Variants in PPP1R12A observed in about 807,000 individuals in gnomAD.
PPP1R12A encodes the protein protein phosphatase 1 regulatory subunit 12A, also known as myosin binding subunit.
Under a neutral mutation model 139.6 loss-of-function variants are expected in PPP1R12A, and 19 were observed. The ratio of observed to expected loss-of-function variants is 0.14; its 90% CI spans 0.09 to 0.20. The LOEUF (loss-of-function observed/expected upper bound fraction) is 0.20, where lower values mean the gene tolerates loss of function less well. PPP1R12A is among the 10% of genes least tolerant of loss of function. The pLI is 1.00. For synonymous variants in PPP1R12A, 427 were observed against 420.6 expected, an observed-to-expected ratio of 1.02 and a Z score of -0.19; for missense variants, 925 against 1,211.5, an observed-to-expected ratio of 0.76 and a Z score of 3.51.
intron 1 of PPP1R12A, among the ~76,000 whole-genome samples, chr12:79,903,512 G>A (rs1020192307): frequency 1.3e-5 from 2 of 151,688 alleles, no homozygotes; most frequent in Admixed American, 6.6e-5. Context: ...CACATGAAGC[G>A]TAAATTAATT....
At chr12:79,866,895 A>G (rs1206583052) in intron 2 of PPP1R12A, among the ~76,000 whole-genome samples, 4 of 152,160 alleles carry the variant, frequency 2.6e-5, no homozygotes, top group Middle Eastern at 3.2e-3. Flanking sequence ...TTCAACCATT[A>G]TGGAAGACAG....
At chr12:79,935,304 C>T, upstream of PPP1R12A, 4 of 1,051,672 alleles carry the variant, frequency 3.8e-6, no homozygotes, top group African/African-American at 1.7e-5. Flanking sequence ...GGTGGCTGGG[C>T]CACCAGAGGG....
chr12:79,856,353 T>C (rs1358909921), intron 2 of PPP1R12A, among the ~76,000 whole-genome samples: 1 of 152,250 alleles, frequency 6.6e-6, no homozygotes, highest in East Asian at 1.9e-4. Flanking sequence ...AACCAGTATT[T>C]GCTTGGTTAA....
chr12:79,883,741 G>C (rs1217166798), intron 1 of PPP1R12A, among the ~76,000 whole-genome samples: 1 of 151,778 alleles, frequency 6.6e-6, no homozygotes, highest in African/African-American at 2.4e-5. Flanking sequence ...AAAGAGTGTA[G>C]AGAAGTGATT....
intron 8 of PPP1R12A, 27 bp downstream of exon 8, chr12:79,820,747 G>A (rs199879430): frequency 3.9e-5 from 63 of 1,599,680 alleles, no homozygotes; most frequent in Non-Finnish European, 4.9e-5. Context: ...AAAATTCAAC[G>A]AAAATGCATT....
At chr12:79,906,237 TAAAA>T (rs1886098205) in intron 1 of PPP1R12A, among the ~76,000 whole-genome samples, 1 of 151,906 alleles carries the variant, frequency 6.6e-6, no homozygotes, top group Non-Finnish European at 1.5e-5. Context: ...GATAAAAACT[TAAAA>T]AATCAGCTAT....
chr12:79,859,682 A>C (rs1234757308), intron 2 of PPP1R12A, among the ~76,000 whole-genome samples: 1 of 152,124 alleles, frequency 6.6e-6, no homozygotes, highest in African/African-American at 2.4e-5. Flanking sequence ...AAGCAGAAGA[A>C]TCACTTGAGG....
In PPP1R12A at chr12:79,925,479, AATC is replaced by A. The variant is rs1033713672; in HGVS notation, c.237+9213_237+9215del. On this transcript the variant is annotated intron_variant, in intron 1 of 24. Transcript: ENST00000450142. ...GTAATTTCAGCTCAAATGTGAGTTA[AATC>A]ATCAAGTTAAAGTAAAGCTTTTTAT... Among the ~76,000 whole-genome samples the A allele has an allele frequency of 5.4e-4, 83 of 152,342 alleles. 1 individual carries two copies. Among genetic ancestry groups the A allele is most frequent in the African/African-American group, 1.9e-3 (81 of 41,578 alleles).
At chr12:79,908,948 C>A (rs943064806) in intron 1 of PPP1R12A, among the ~76,000 whole-genome samples, 10 of 152,182 alleles carry the variant, frequency 6.6e-5, no homozygotes, top group South Asian at 4.1e-4. Context: ...TTCTGGAACA[C>A]CCCATTGGGG....
chr12:79,841,175 C>T (rs1878663589), intron 3 of PPP1R12A, among the ~76,000 whole-genome samples: 2 of 152,012 alleles, frequency 1.3e-5, no homozygotes, highest in Admixed American at 1.3e-4. Context: ...GCAAGCCTCT[C>T]ATCTCAGCCC....
chr12:79,853,390 C>G (rs1166930841), intron 2 of PPP1R12A, among the ~76,000 whole-genome samples: 1 of 152,152 alleles, frequency 6.6e-6, no homozygotes, highest in East Asian at 1.9e-4. Context: ...CCTGAGATCC[C>G]TAGCTCCTCT....
chr12:79,917,932 G>A (rs914681712), intron 1 of PPP1R12A, among the ~76,000 whole-genome samples: 5 of 152,012 alleles, frequency 3.3e-5, no homozygotes, highest in African/African-American at 1.2e-4. Context: ...TATTTTCATA[G>A]CATACTATTT....
At chr12:79,918,937 G>A (rs1418549090) in intron 1 of PPP1R12A, among the ~76,000 whole-genome samples, 3 of 151,964 alleles carry the variant, frequency 2.0e-5, no homozygotes, top group East Asian at 1.9e-4. Flanking sequence ...CCAACACGGC[G>A]AAACCCCGTC....
chr12:79,858,775 AG>A (rs1880973453), intron 2 of PPP1R12A, among the ~76,000 whole-genome samples: 1 of 152,186 alleles, frequency 6.6e-6, no homozygotes. Flanking sequence ...GGCTCAACCA[AG>A]GGACCAGTGT....
chr12:79,932,701 G>C (rs1888341546), intron 1 of PPP1R12A, among the ~76,000 whole-genome samples: 1 of 152,174 alleles, frequency 6.6e-6, no homozygotes. Flanking sequence ...ACATTGGTAA[G>C]TCTGACAATT....
chr12:79,833,221 G>C (rs1877648618), intron 3 of PPP1R12A, among the ~76,000 whole-genome samples: 4 of 151,942 alleles, frequency 2.6e-5, no homozygotes, highest in African/African-American at 9.7e-5. Context: ...AGCGAGCAAT[G>C]ATCATGCCAC....
intron 5 of PPP1R12A, among the ~76,000 whole-genome samples, chr12:79,827,479 T>C (rs1011464273): frequency 6.6e-6 from 1 of 152,118 alleles, no homozygotes; most frequent in Non-Finnish European, 1.5e-5. Flanking sequence ...GAACATTCTA[T>C]GGAAAGGTAA....
At position 79,909,449 on chromosome 12, in the gene PPP1R12A, C is replaced by T. The variant is rs929220955; in HGVS notation, c.237+25246G>A. On this transcript the variant is annotated intron_variant, in intron 1 of 24. Transcript: ENST00000450142. ...TTACAGTATGAACTTAAAAGTTCTG[C>T]ACCCCGGCTGGGCATGGTGGCTCAC... Among the ~76,000 whole-genome samples, 6 of 152,100 alleles carry T rather than the reference C, an allele frequency of 3.9e-5. No homozygotes were observed. The East Asian group carries it at 1.2e-3, about 29-fold the overall frequency.
rs773406017 is a variant in PPP1R12A, at chr12:79,845,289, C to T, written c.487+13G>A. 2.5e-6 allele frequency: 4 copies of T among 1,575,334 alleles called. No individual in the cohort carries two copies. Among genetic ancestry groups the T allele is most frequent in the East Asian group, 2.2e-5 (1 of 44,582 alleles). Reference sequence around the variant, plus strand: ...CTAAAACATTTTTCCATTTAGGTTGCTTTTTATTTTACCTTGCCGATTAAC... The same window carrying T: ...CTAAAACATTTTTCCATTTAGGTTGTTTTTTATTTTACCTTGCCGATTAAC... On this transcript the variant is annotated intron_variant, in intron 3 of 24. Transcript: ENST00000450142.
Sources: allele counts gnomAD v4.1 joint callset (sites outside exome capture counted in the v4.1 genomes callset), GRCh38; gene constraint gnomAD v4.1.1; transcripts MANE v1.5; gene names NCBI Gene and HGNC (gene_info 2026-07-23, HGNC 2026-07-21).